Variants in ODF2L observed in about 807,000 individuals in gnomAD.
ODF2L encodes outer dense fiber of sperm tails 2 like.
A neutral mutation model predicts 86.3 loss-of-function variants in ODF2L; 76 were observed. The ratio of observed to expected loss-of-function variants is 0.88; its 90% CI spans 0.73 to 1.07. ODF2L has a LOEUF of 1.07. Among genes scored for constraint, ODF2L ranks in the 50% least tolerant of loss-of-function variants. The pLI, the probability that ODF2L is intolerant of heterozygous loss-of-function variation, is 0.00. For synonymous variants in ODF2L, 241 were observed against 231.3 expected, an observed-to-expected ratio of 1.04 and a Z score of -0.38; for missense variants, 748 against 717.4, an observed-to-expected ratio of 1.04 and a Z score of -0.49.
chr1:86,381,613 C>T (rs1027008615), intron 7 of ODF2L, among the ~76,000 whole-genome samples: 5 of 148,790 alleles, frequency 3.4e-5, no homozygotes, highest in East Asian at 2.0e-4. Flanking sequence ...TTGCCTTTGG[C>T]GGAAAAAAAA....
At chr1:86,394,066 G>A (rs1245308977) in intron 1 of ODF2L, among the ~76,000 whole-genome samples, 1 of 152,164 alleles carries the variant, frequency 6.6e-6, no homozygotes, top group Non-Finnish European at 1.5e-5. Flanking sequence ...GCCATTTACT[G>A]AGCAGAGCAC....
chr1:86,361,201 T>C (rs555451293), intron 11 of ODF2L, among the ~76,000 whole-genome samples: 1 of 152,322 alleles, frequency 6.6e-6, no homozygotes, highest in African/African-American at 2.4e-5. Flanking sequence ...ACAAGATTCC[T>C]AGGTCAGAGA....
chr1:86,368,567 C>A, intron 11 of ODF2L: 2 of 1,251,106 alleles, frequency 1.6e-6, no homozygotes, highest in South Asian at 7.2e-5. Context: ...CACTACAAAT[C>A]AAAAACACAT....
intron 7 of ODF2L, among the ~76,000 whole-genome samples, chr1:86,377,962 T>C (rs1373832065): frequency 6.6e-6 from 1 of 152,270 alleles, no homozygotes; most frequent in Non-Finnish European, 1.5e-5. Flanking sequence ...GGTGTTTCTT[T>C]TCTATTGCAT....
At chr1:86,371,329 G>T (rs1231175116) in intron 9 of ODF2L, among the ~76,000 whole-genome samples, 176 bp from the exon 10 acceptor site, 1 of 152,060 alleles carries the variant, frequency 6.6e-6, no homozygotes, top group Non-Finnish European at 1.5e-5. Flanking sequence ...ATCTAAAAGG[G>T]TACAACCAAA....
At chr1:86,354,303 C>T (rs1011776873) in intron 16 of ODF2L, among the ~76,000 whole-genome samples, 2 of 152,140 alleles carry the variant, frequency 1.3e-5, no homozygotes, top group African/African-American at 2.4e-5. Context: ...AAGTGTTTTC[C>T]ATCTCTGCCC....
intron 11 of ODF2L, among the ~76,000 whole-genome samples, chr1:86,366,502 GA>G (rs1262137142): frequency 6.6e-6 from 1 of 150,582 alleles, no homozygotes; most frequent in Admixed American, 6.8e-5. Flanking sequence ...AGCTACTTGG[GA>G]GGCTGAAGCG....
At chr1:86,367,605 G>A (rs1570385358) in intron 11 of ODF2L, among the ~76,000 whole-genome samples, 1 of 151,286 alleles carries the variant, frequency 6.6e-6, no homozygotes, top group East Asian at 1.9e-4. Context: ...CAATGATAAG[G>A]GCAAAGAGTA....
chr1:86,386,658 G>T, intron 2 of ODF2L: 1 of 360,362 alleles, frequency 2.8e-6, no homozygotes, highest in East Asian at 4.2e-5. Context: ...AAAGTGCTGG[G>T]ATTACAGGCA....
chr1:86,379,690 C>T (rs1481155490), intron 7 of ODF2L, among the ~76,000 whole-genome samples: 1 of 152,058 alleles, frequency 6.6e-6, no homozygotes, highest in Non-Finnish European at 1.5e-5. Context: ...TTAGGGGGCA[C>T]GCCCTGACAC....
exon 18 of ODF2L, chr1:86,352,203 T>C (rs1267954887): frequency 1.3e-6 from 2 of 1,513,592 alleles, no homozygotes; most frequent in Non-Finnish European, 1.8e-6. Flanking sequence ...ATGGAGTCTC[T>C]GGATCCTGGA....
chr1:86,373,455 T>C (rs12046485), intron 8 of ODF2L, among the ~76,000 whole-genome samples: 48,839 of 149,166 alleles, frequency 0.33, 8,222 homozygotes, highest in East Asian at 0.53. Context: ...TATATACACA[T>C]GCATATATAA....
chr1:86,374,176 G>A (rs867444820), intron 8 of ODF2L, among the ~76,000 whole-genome samples: 7 of 152,024 alleles, frequency 4.6e-5, no homozygotes, highest in Non-Finnish European at 1.0e-4. Flanking sequence ...CATGTATTAC[G>A]TGCAAGACTT....
intron 14 of ODF2L, among the ~76,000 whole-genome samples, chr1:86,355,696 T>A (rs1658500491): frequency 6.6e-6 from 1 of 152,152 alleles, no homozygotes; most frequent in Non-Finnish European, 1.5e-5. Flanking sequence ...CTCCACCCTC[T>A]GAAAGGCCCC....
chr1:86,360,642 ATAAT>A (rs1023080236), intron 11 of ODF2L, 106 bp from the exon 11 acceptor site: 3 of 526,644 alleles, frequency 5.7e-6, no homozygotes, highest in Non-Finnish European at 1.0e-5. Context: ...AGTTGATAAA[ATAAT>A]TATTTTTTAT....
At position 86,354,757 on chromosome 1, in the gene ODF2L, A is replaced by T. The variant is rs1184365198; in HGVS notation, c.1604+17T>A. The T allele has an allele frequency of 6.4e-7, 1 of 1,555,792 alleles. No homozygotes were observed. Among genetic ancestry groups the T allele is most frequent in the Admixed American group, 1.7e-5 (1 of 59,450 alleles). On this transcript the variant is annotated intron_variant, in intron 15 of 17. Transcript: ENST00000317336. ...AGAGAAATATGCAGCAGCAATGTTA[A>T]GTAATTTAATACTTACTGTTGAAGG...
At chr1:86,375,852 C>T (rs1660131342) in intron 8 of ODF2L, among the ~76,000 whole-genome samples, 1 of 152,202 alleles carries the variant, frequency 6.6e-6, no homozygotes, top group South Asian at 2.1e-4. Flanking sequence ...CAATACCCTT[C>T]ATTCCACTGT....
intron 1 of ODF2L, among the ~76,000 whole-genome samples, chr1:86,392,911 T>C (rs1328065178): frequency 6.6e-6 from 1 of 152,172 alleles, no homozygotes; most frequent in Admixed American, 6.5e-5. Context: ...ACAGAGACAA[T>C]TTTGCCAGTC....
chr1:86,359,849 G>A (rs1217910900), intron 12 of ODF2L, among the ~76,000 whole-genome samples: 2 of 151,972 alleles, frequency 1.3e-5, no homozygotes, highest in African/African-American at 4.8e-5. Flanking sequence ...AACTCTCTCT[G>A]ACCAGTGTGT....
Sources: gnomAD v4.1 joint callset for allele counts (sites outside exome capture counted in the v4.1 genomes callset) on GRCh38, gnomAD v4.1.1 for gene constraint, MANE v1.5 for transcripts, NCBI Gene and HGNC (gene_info 2026-07-23, HGNC 2026-07-21) for gene names.